Variants in ST6GAL1 observed in about 807,000 individuals in gnomAD.
ST6GAL1 encodes the protein beta-galactoside alpha-2,6-sialyltransferase 1.
A neutral mutation model predicts 38.0 loss-of-function variants in ST6GAL1; 20 were observed. The ratio of observed to expected loss-of-function variants is 0.53; its 90% CI spans 0.37 to 0.77. The LOEUF is 0.77. ST6GAL1 is among the 30% of genes least tolerant of loss of function. The probability of loss-of-function intolerance (pLI) is 0.00; values close to 1 mark genes in which losing one functional copy is unlikely to be tolerated. For synonymous variants in ST6GAL1, 196 were observed against 188.2 expected, an observed-to-expected ratio of 1.04 and a Z score of -0.34; for missense variants, 432 against 496.4, an observed-to-expected ratio of 0.87 and a Z score of 1.23.
intron 3 of ST6GAL1, among the ~76,000 whole-genome samples, chr3:187,040,515 A>G (rs1182143062): frequency 1.3e-5 from 2 of 152,232 alleles, no homozygotes; most frequent in Non-Finnish European, 2.9e-5. Flanking sequence ...GAGAAACCCT[A>G]TAACCTTGCT....
intron 1 of ST6GAL1, among the ~76,000 whole-genome samples, chr3:186,960,969 CTTTTTT>C (rs531371070): frequency 8.0e-6 from 1 of 124,748 alleles, no homozygotes; most frequent in Admixed American, 8.1e-5. Context: ...ATCATTTGAT[CTTTTTT>C]TTTTTTTTTT....
chr3:187,039,962 T>C lies in ST6GAL1; in HGVS notation c.-51+1089T>C, dbSNP rs78057658. On this transcript the variant is annotated intron_variant, in intron 3 of 7. Coordinates refer to ENST00000169298, the MANE Select transcript of ST6GAL1 (RefSeq NM_173216.2). ...AAGACTGTCGCTAGACCCAGCTGTT[T>C]GGAGGAACTCTTCTTTCCTGGGAAA... is the stretch of plus-strand genomic sequence containing the variant. Among the ~76,000 whole-genome samples the C allele has an allele frequency of 2.0e-3, 307 of 152,312 alleles. 6 individuals carry two copies. The East Asian group carries it at 0.046, about 23-fold the overall frequency.
At chr3:186,978,486 G>A (rs1436543302) in intron 2 of ST6GAL1, among the ~76,000 whole-genome samples, 1 of 152,166 alleles carries the variant, frequency 6.6e-6, no homozygotes, top group Non-Finnish European at 1.5e-5. Context: ...CTTGACCAGA[G>A]TTCACTATCT....
At chr3:187,031,144 A>C (rs1489170665) in intron 2 of ST6GAL1, among the ~76,000 whole-genome samples, 2 of 152,208 alleles carry the variant, frequency 1.3e-5, no homozygotes, top group Non-Finnish European at 2.9e-5. Flanking sequence ...AGTTATGCTG[A>C]TCATCTCTGT....
At chr3:187,050,255 G>A (rs56343190) in intron 4 of ST6GAL1, among the ~76,000 whole-genome samples, 29,363 of 152,082 alleles carry the variant, frequency 0.19, 2,968 homozygotes, top group Admixed American at 0.22. Flanking sequence ...CCCAGATCCC[G>A]TGTAGATTTC....
intron 2 of ST6GAL1, among the ~76,000 whole-genome samples, chr3:186,965,161 C>T: frequency 6.6e-6 from 1 of 152,102 alleles, no homozygotes; most frequent in East Asian, 1.9e-4. Context: ...AGATGAAAAC[C>T]CACCATTTAC....
intron 1 of ST6GAL1, among the ~76,000 whole-genome samples, chr3:186,940,712 A>ATT (rs1426602756): frequency 2.0e-5 from 3 of 151,338 alleles, no homozygotes; most frequent in Non-Finnish European, 4.4e-5. Context: ...CATTCCTGGC[A>ATT]TTATACTAGT....
intron 3 of ST6GAL1, among the ~76,000 whole-genome samples, chr3:187,042,218 A>G (rs917264692): frequency 1.3e-5 from 2 of 148,922 alleles, no homozygotes; most frequent in Non-Finnish European, 3.0e-5. Flanking sequence ...TTTTTATTCT[A>G]TTTTTTTTTC....
chr3:187,050,390 G>C (rs985824611), intron 4 of ST6GAL1, among the ~76,000 whole-genome samples: 3 of 152,194 alleles, frequency 2.0e-5, no homozygotes, highest in Non-Finnish European at 4.4e-5. Flanking sequence ...ACGTGGGGTA[G>C]AGAAACTTTT....
At chr3:186,965,665 C>A (rs73187771) in intron 2 of ST6GAL1, among the ~76,000 whole-genome samples, 5,141 of 152,242 alleles carry the variant, frequency 0.034, 121 homozygotes, top group East Asian at 0.064. Flanking sequence ...GAAGGGAGCT[C>A]AGGTGGAGGG....
intron 1 of ST6GAL1, among the ~76,000 whole-genome samples, 170 bp from the exon 2 acceptor site, chr3:186,963,615 C>G (rs1272387372): frequency 2.0e-5 from 3 of 152,190 alleles, no homozygotes; most frequent in African/African-American, 7.2e-5. Flanking sequence ...AATTGTACAA[C>G]CCCAGAGGGA....
chr3:186,933,452 GAACGCGGGTACA>G (rs953060236), intron 1 of ST6GAL1, among the ~76,000 whole-genome samples: 88 of 152,254 alleles, frequency 5.8e-4, no homozygotes, highest in African/African-American at 2.0e-3. Flanking sequence ...CGGAACCACC[GAACGCGGGTACA>G]AGCTATAATA....
chr3:187,022,640 A>C (rs531514673), intron 2 of ST6GAL1, among the ~76,000 whole-genome samples: 1 of 152,316 alleles, frequency 6.6e-6, no homozygotes, highest in Non-Finnish European at 1.5e-5. Flanking sequence ...AAGGCCTAGC[A>C]AGGGAAGAGA....
chr3:186,936,975 C>T (rs1359446747), intron 1 of ST6GAL1, among the ~76,000 whole-genome samples: 2 of 148,588 alleles, frequency 1.3e-5, no homozygotes, highest in Non-Finnish European at 1.5e-5. Context: ...AAAAGCTTGA[C>T]CATTGAGGAT....
chr3:186,941,609 A>G (rs1714176180), intron 1 of ST6GAL1, among the ~76,000 whole-genome samples: 1 of 152,136 alleles, frequency 6.6e-6, no homozygotes, highest in South Asian at 2.1e-4. Flanking sequence ...AGGAGGGGAA[A>G]GAGTTGCAGG....
At chr3:186,989,805 T>C (rs1716091070) in intron 2 of ST6GAL1, among the ~76,000 whole-genome samples, 1 of 152,220 alleles carries the variant, frequency 6.6e-6, no homozygotes, top group African/African-American at 2.4e-5. Context: ...ACTGAGGGCA[T>C]TTGATTTTGC....
At chr3:187,070,764 T>G (rs1410631011) in intron 5 of ST6GAL1, among the ~76,000 whole-genome samples, 2 of 152,150 alleles carry the variant, frequency 1.3e-5, no homozygotes, top group Non-Finnish European at 2.9e-5. Flanking sequence ...ACTACCTCTG[T>G]TGTTGCACCA....
At chr3:186,996,821 C>T (rs922923778) in intron 2 of ST6GAL1, 3 of 152,196 alleles carry the variant, frequency 2.0e-5, no homozygotes, top group East Asian at 1.9e-4. Flanking sequence ...TAGAGTCCTT[C>T]CTGTTGGCCA....
At chr3:187,033,242 C>T (rs916306770) in intron 2 of ST6GAL1, among the ~76,000 whole-genome samples, 2 of 152,122 alleles carry the variant, frequency 1.3e-5, no homozygotes, top group African/African-American at 4.8e-5. Flanking sequence ...GGTGAAACCC[C>T]ATCTCTACTA....
Sources: allele counts gnomAD v4.1 joint callset (sites outside exome capture counted in the v4.1 genomes callset), GRCh38; gene constraint gnomAD v4.1.1; transcripts MANE v1.5; gene names NCBI Gene and HGNC (gene_info 2026-07-23, HGNC 2026-07-21).